The following YBX3 variants were observed in gnomAD, a reference collection of about 807,000 sequenced individuals.
YBX3 encodes Y-box binding protein 3.
A neutral mutation model predicts 42.4 loss-of-function variants in YBX3; 29 were observed. That is an observed-to-expected ratio of 0.68 (90% CI 0.51 to 0.93). YBX3 has a LOEUF of 0.93. Ranked by LOEUF, YBX3 falls within the 40% of genes least tolerant of loss-of-function variation. The probability of loss-of-function intolerance (pLI) is 0.00; values close to 1 mark genes in which losing one functional copy is unlikely to be tolerated. For synonymous variants in YBX3, 195 were observed against 189.8 expected (o/e 1.03, Z -0.22); for missense variants, 517 against 527.5 (o/e 0.98, Z 0.19).
intron 6 of YBX3, among the ~76,000 whole-genome samples, chr12:10,707,530 T>C (rs1948151669): frequency 1.3e-5 from 2 of 152,232 alleles, no homozygotes; most frequent in Non-Finnish European, 2.9e-5. Flanking sequence ...CCAGCTTCTC[T>C]AATACAACCC....
At chr12:10,702,249 G>A (rs2120901789) in intron 7 of YBX3, 115 bp from the exon 8 acceptor site, 2 of 1,054,806 alleles carry the variant, frequency 1.9e-6, no homozygotes, top group South Asian at 3.7e-5. Context: ...GGCCAGGCAT[G>A]ATGGCTCACC....
intron 1 of YBX3, among the ~76,000 whole-genome samples, chr12:10,719,746 A>G (rs978232208): frequency 1.3e-5 from 2 of 152,178 alleles, no homozygotes; most frequent in African/African-American, 4.8e-5. Context: ...AGGTCTTTTC[A>G]AATCACATGA....
In YBX3 at chr12:10,702,188, C is replaced by T. The variant is rs530834385; in HGVS notation, c.879-54G>A. On this transcript the variant is annotated intron_variant, in intron 7 of 9. Coordinates refer to ENST00000228251, the MANE Select transcript of YBX3 (RefSeq NM_003651.5). Reference sequence around the variant, plus strand: ...AGGTGCCAACAGGACAGGGCTTCTCCAGAAAATAAGGTTTTATTTATTTTT... The same window carrying T: ...AGGTGCCAACAGGACAGGGCTTCTCTAGAAAATAAGGTTTTATTTATTTTT... 10 of 1,529,236 alleles carry T rather than the reference C, an allele frequency of 6.5e-6. No homozygotes were observed. Among genetic ancestry groups the T allele is most frequent in the Non-Finnish European group, 8.8e-6 (10 of 1,134,376 alleles). The allele number at this position is 1,529,236 out of a possible 1,614,324, so 94.7% of individuals were successfully genotyped here.
Position 10,719,064 on chromosome 12 carries a change from A to G in YBX3, c.326+16T>C. 1.9e-6 allele frequency: 3 copies of G among 1,608,506 alleles called. No individual in the cohort carries two copies. Among genetic ancestry groups the G allele is most frequent in the Non-Finnish European group, 2.6e-6 (3 of 1,175,726 alleles). The stretch of plus-strand genomic sequence containing the variant: ...AAGTATAAACTTAAAACATGCAAAT[A>G]TACACACACACATACCGATTTATAA... On this transcript the variant is annotated intron_variant, in intron 2 of 9. Coordinates refer to ENST00000228251, the MANE Select transcript of YBX3 (RefSeq NM_003651.5).
intron 6 of YBX3, among the ~76,000 whole-genome samples, chr12:10,706,739 C>G (rs1014055169): frequency 6.6e-6 from 1 of 152,146 alleles, no homozygotes; most frequent in Non-Finnish European, 1.5e-5. Flanking sequence ...CCAAATCAGC[C>G]AGGAGCGGTG....
chr12:10,703,580 C>A (rs565456688), intron 7 of YBX3: 3 of 440,148 alleles, frequency 6.8e-6, no homozygotes, highest in Admixed American at 2.5e-5. Context: ...CACTCTGTTG[C>A]GCAGGCTGGA....
intron 5 of YBX3, chr12:10,712,714 T>G (rs1210633379): frequency 6.6e-6 from 1 of 152,286 alleles, no homozygotes; most frequent in African/African-American, 2.4e-5. Context: ...TGTCTGTGAC[T>G]AGGTTCTGGC....
intron 3 of YBX3, 30 bp from the exon 4 acceptor site, chr12:10,715,813 T>A: frequency 6.3e-7 from 1 of 1,582,910 alleles, no homozygotes; most frequent in Non-Finnish European, 8.7e-7. Context: ...TTTTATTCGA[T>A]GTATATTTCA....
rs111622786 is a variant in YBX3 at position 10,716,044 on chromosome 12, T to C, written c.361-261A>G. 472 of 431,830 alleles carry C rather than the reference T, an allele frequency of 1.1e-3. 3 individuals are homozygous for C. The highest frequency in any genetic ancestry group is 8.4e-3 in the African/African-American group (418 of 49,632). The allele number at this position is 431,830 out of a possible 1,614,324, so 26.7% of individuals were successfully genotyped here. On this transcript the variant is annotated intron_variant, in intron 3 of 9. Transcript: ENST00000228251. ...ATGTTTTTTCTATAACTGCAGTGTG[T>C]GCAGTGACTACACACTACTGTTACA...
Position 10,719,073 on chromosome 12 carries a change from C to CA in YBX3, c.326+6dup, listed in dbSNP as rs542268340. ...CTTAAAACATGCAAATATACACACA[C>CA]ACATACCGATTTATAAATCCATATC... is the stretch of plus-strand genomic sequence containing the variant. On this transcript the variant is annotated splice_region_variant and intron_variant, in intron 2 of 9. Transcript: ENST00000228251. 7.1e-5 allele frequency: 114 copies of CA among 1,612,282 alleles called. No homozygotes were observed. In the African/African-American group the frequency reaches 1.3e-3, roughly 18 times the overall value.
chr12:10,723,062 T>C lies in YBX3; in HGVS notation c.50A>G (p.Gln17Arg). 8.3e-7 allele frequency: 1 copy of C among 1,207,174 alleles called. No individual in the cohort carries two copies. Among genetic ancestry groups the C allele is most frequent in the Non-Finnish European group, 1.0e-6 (1 of 974,310 alleles). 74.8% of individuals were successfully genotyped at this position (1,207,174 alleles called of 1,614,324 possible). A position where few individuals can be genotyped will look rare whatever the true frequency, so the allele number is the denominator to read the frequency against. ...ATTTTTTTLP[Q>R]APTEAAAAAP... Reference sequence around the variant, plus strand: ...CGCGGCGGCCGCCTCCGTCGGAGCCTGCGGGAGGGTGGTGGTGGTGGTGGT... The same window carrying C: ...CGCGGCGGCCGCCTCCGTCGGAGCCCGCGGGAGGGTGGTGGTGGTGGTGGT... Residue 17 changes from glutamine (Q) to arginine (R), a missense_variant, in exon 1 of 10, where the codon CAG becomes CGG. This residue lies in a region of YBX3 where 86 missense variants were observed against 82.5 expected (regional missense o/e 1.04). Coordinates refer to ENST00000228251, the MANE Select transcript of YBX3 (RefSeq NM_003651.5).
chr12:10,702,559 T>C (rs2120903183), intron 7 of YBX3: 1 of 152,532 alleles, frequency 6.6e-6, no homozygotes, highest in East Asian at 1.9e-4. Context: ...TACTTATTGC[T>C]AGAATTATTC....
intron 1 of YBX3, 88 bp from the exon 2 acceptor site, chr12:10,719,231 G>A: frequency 9.1e-7 from 1 of 1,101,000 alleles, no homozygotes. Flanking sequence ...ATTAGACAAA[G>A]CCTAAACATA....
chr12:10,710,119 C>T lies in YBX3; in HGVS notation c.574-5G>A, dbSNP rs770331515. On this transcript the variant is annotated splice_region_variant and splice_polypyrimidine_tract_variant and intron_variant, in intron 5 of 9. Transcript: ENST00000228251. ...CTCCTCCTCCTCCCCAGCGTACTAG[C>T]GAAGCAAAGAAACAGAGATTCAGAA... The T allele has an allele frequency of 2.0e-5, 33 of 1,612,020 alleles. No individual in the cohort carries two copies. The highest frequency in any genetic ancestry group is 2.5e-5 in the Non-Finnish European group (29 of 1,179,672).
rs566741373 is a variant in YBX3, at chr12:10,705,086, G to C, written c.781-938C>G. 3.3e-5 allele frequency among the ~76,000 whole-genome samples: 5 copies of C among 152,042 alleles called. No individual in the cohort carries two copies. In the South Asian group the frequency reaches 6.2e-4, roughly 19 times the overall value. On this transcript the variant is annotated intron_variant, in intron 6 of 9. Coordinates refer to ENST00000228251, the MANE Select transcript of YBX3 (RefSeq NM_003651.5). Reference sequence around the variant, plus strand: ...AAAGTAAGTTATATCTTTTTGTTTGGAGCAGTTTTTTTTAATTTATTTATT... The same window carrying C: ...AAAGTAAGTTATATCTTTTTGTTTGCAGCAGTTTTTTTTAATTTATTTATT...
chr12:10,721,031 G>A (rs1565593119), intron 1 of YBX3: 1 of 152,136 alleles, frequency 6.6e-6, no homozygotes, highest in East Asian at 1.9e-4. Context: ...CCTGGCCTAT[G>A]TGCTTATAAA....
At chr12:10,715,402 C>T (rs1194372730) in intron 4 of YBX3, among the ~76,000 whole-genome samples, 5 of 151,708 alleles carry the variant, frequency 3.3e-5, no homozygotes, top group African/African-American at 4.8e-5. Context: ...AAAAATTAGC[C>T]GGGCGTGGTG....
At position 10,704,060 on chromosome 12, in the gene YBX3, C is replaced by G. The variant is rs993631790; in HGVS notation, c.869G>C (p.Arg290Thr). The G allele has an allele frequency of 8.1e-6, 13 of 1,614,024 alleles. No homozygotes were observed. In the African/African-American group the frequency reaches 1.2e-4, roughly 15 times the overall value. Residue 290 changes from arginine to threonine, a missense_variant, in exon 7 of 10, where the codon AGG becomes ACG. Physicochemically the swap from Arg to Thr is moderately conservative, Grantham distance 71. Transcript: ENST00000228251. ...GGAAAATGCGACATACCTACGGTAC[C>G]TTGGGCGGTAAGTTGGATTTCGATG... is the stretch of plus-strand genomic sequence containing the variant. ...PVHRNPTYRP[R>T]YRSRGPPRPR...
At chr12:10,719,423 T>A (rs797186) in intron 1 of YBX3, among the ~76,000 whole-genome samples, 1 of 152,164 alleles carries the variant, frequency 6.6e-6, no homozygotes, top group South Asian at 2.1e-4. Flanking sequence ...TCATTAAAAT[T>A]GAGAAACACT....
Sources: gnomAD v4.1 joint callset for allele counts (sites outside exome capture counted in the v4.1 genomes callset) on GRCh38, gnomAD v4.1.1 for gene constraint, gnomAD v4.1.1 regional missense constraint, MANE v1.5 for transcripts, NCBI Gene and HGNC (gene_info 2026-07-23, HGNC 2026-07-21) for gene names.